The following NINL variants were observed in gnomAD, a reference collection of about 807,000 sequenced individuals.
NINL encodes ninein-like protein.
A neutral mutation model predicts 160.3 loss-of-function variants in NINL; 153 were observed. The ratio of observed to expected loss-of-function variants is 0.95; its 90% CI spans 0.84 to 1.09. The LOEUF (loss-of-function observed/expected upper bound fraction) is 1.09. NINL is among the 50% of genes least tolerant of loss of function. NINL has a pLI of 0.00. For missense variants in NINL, 1,829 were observed against 1,764.0 expected, an observed-to-expected ratio of 1.04 and a Z score of -0.66; for synonymous variants, 800 against 734.8, an observed-to-expected ratio of 1.09 and a Z score of -1.43.
intron 17 of NINL, among the ~76,000 whole-genome samples, chr20:25,471,043 G>A (rs923201135): frequency 1.3e-5 from 2 of 152,024 alleles, no homozygotes; most frequent in Non-Finnish European, 2.9e-5. Flanking sequence ...TCTTTGAGAT[G>A]GGGTCTCATT....
At chr20:25,488,476 G>A (rs537824175) in intron 13 of NINL, among the ~76,000 whole-genome samples, 29 of 151,998 alleles carry the variant, frequency 1.9e-4, no homozygotes, top group African/African-American at 3.4e-4. Flanking sequence ...CACCCGCCTC[G>A]GCCTCCCAAA....
intron 1 of NINL, among the ~76,000 whole-genome samples, chr20:25,563,368 T>C (rs980744424): frequency 1.3e-5 from 2 of 152,174 alleles, no homozygotes; most frequent in African/African-American, 4.8e-5. Flanking sequence ...CAAAGTTAAA[T>C]ATGAATACCA....
intron 19 of NINL, among the ~76,000 whole-genome samples, chr20:25,465,883 T>C (rs2062901311): frequency 6.6e-6 from 1 of 152,182 alleles, no homozygotes; most frequent in African/African-American, 2.4e-5. Flanking sequence ...GTCTGAATAC[T>C]GATATGAGGT....
chr20:25,510,755 A>G lies in NINL; in HGVS notation c.451-15T>C, dbSNP rs375382253. 6 of 1,606,920 alleles carry G rather than the reference A, an allele frequency of 3.7e-6. No individual in the cohort carries two copies. Among genetic ancestry groups the G allele is most frequent in the Non-Finnish European group, 5.1e-6 (6 of 1,174,696 alleles). The stretch of plus-strand genomic sequence containing the variant: ...GACTTGGGACTCTGTAGAAAGATGC[A>G]GAGAGAAGGCTGTGAGTTCCAGGGG... On this transcript the variant is annotated splice_polypyrimidine_tract_variant and intron_variant, in intron 4 of 23. Coordinates refer to ENST00000278886, the MANE Select transcript of NINL (RefSeq NM_025176.6).
rs1158940485 is a variant in NINL, at chr20:25,453,116, A to G, written c.*335T>C. 1 of 202,188 alleles carries G rather than the reference A, an allele frequency of 4.9e-6. No individual in the cohort carries two copies. Among genetic ancestry groups the G allele is most frequent in the Non-Finnish European group, 9.9e-6 (1 of 101,442 alleles). The allele number at this position is 202,188 out of a possible 1,614,324, so 12.5% of individuals were successfully genotyped here. ...TGACAGCCAGGGTCGGAAGCACCAC[A>G]TGGAAAGTGCTGTCCATAACTGCTC... On this transcript the variant is annotated 3_prime_UTR_variant, in exon 24 of 24. Transcript: ENST00000278886.
intron 10 of NINL, among the ~76,000 whole-genome samples, chr20:25,491,970 G>T (rs546990345): frequency 6.6e-6 from 1 of 152,314 alleles, no homozygotes; most frequent in South Asian, 2.1e-4. Context: ...GGAAGAGGTG[G>T]GGGATATTTT....
At chr20:25,570,351 T>C (rs2147167507) in intron 1 of NINL, among the ~76,000 whole-genome samples, 1 of 152,254 alleles carries the variant, frequency 6.6e-6, no homozygotes, top group African/African-American at 2.4e-5. Flanking sequence ...GTAAGCACCA[T>C]CCCCTTGGTG....
At chr20:25,453,977 G>A (rs1483335646) in intron 23 of NINL, among the ~76,000 whole-genome samples, 5 of 152,070 alleles carry the variant, frequency 3.3e-5, no homozygotes, top group Admixed American at 2.0e-4. Flanking sequence ...GTGTGAACCC[G>A]GGAGGTGGAG....
chr20:25,489,778 T>A, intron 12 of NINL, 97 bp downstream of exon 12: 1 of 922,640 alleles, frequency 1.1e-6, no homozygotes, highest in Non-Finnish European at 1.8e-6. Flanking sequence ...TACCGCATTC[T>A]GTGACCTGCC....
At chr20:25,479,719 A>G (rs1392407042) in intron 15 of NINL, among the ~76,000 whole-genome samples, 1 of 152,202 alleles carries the variant, frequency 6.6e-6, no homozygotes, top group African/African-American at 2.4e-5. Flanking sequence ...AAGCCACCAC[A>G]GTCTAGGAAC....
intron 1 of NINL, among the ~76,000 whole-genome samples, chr20:25,530,482 G>C (rs1327391743): frequency 6.6e-6 from 1 of 152,178 alleles, no homozygotes. Flanking sequence ...GCTTGTATGG[G>C]CATATGTAAT....
rs200735097 is a variant in NINL at position 25,476,281 on chromosome 20, C to A, written c.3010G>T (p.Ala1004Ser). The A allele has an allele frequency of 1.2e-6, 2 of 1,613,526 alleles. No individual in the cohort carries two copies. The highest frequency in any genetic ancestry group is 1.7e-6 in the Non-Finnish European group (2 of 1,179,926). ...TGCTTGTGACACCCAGGCTCCAGGG[C>A]GCCCTCGGCCCGGGCCTGCTGCTCC... The part of the protein sequence containing the change: ...ASEQQARAEG[A>S]LEPGCHKHSV... The change falls in exon 17 of 24, where the codon GCC becomes TCC. Residue 1004 changes from alanine (A) to serine (S), a missense_variant. Coordinates refer to ENST00000278886, the MANE Select transcript of NINL (RefSeq NM_025176.6).
intron 9 of NINL, 144 bp downstream of exon 9, chr20:25,498,066 A>T: frequency 1.0e-6 from 1 of 999,744 alleles, no homozygotes; most frequent in Non-Finnish European, 1.5e-6. Context: ...AGAGCACGGG[A>T]CAGACAGTGT....
chr20:25,574,329 G>T (rs2065090361), intron 1 of NINL, among the ~76,000 whole-genome samples: 1 of 151,650 alleles, frequency 6.6e-6, no homozygotes, highest in African/African-American at 2.4e-5. Context: ...GGCATGGCTG[G>T]GCAAGGGCCT....
intron 1 of NINL, among the ~76,000 whole-genome samples, chr20:25,556,569 G>T (rs1207235047): frequency 6.6e-6 from 1 of 152,116 alleles, no homozygotes; most frequent in Non-Finnish European, 1.5e-5. Context: ...AGGTTGCAGT[G>T]AGCCATGATC....
At chr20:25,560,061 C>T (rs1342083647) in intron 1 of NINL, among the ~76,000 whole-genome samples, 2 of 152,104 alleles carry the variant, frequency 1.3e-5, no homozygotes. Context: ...ATCTTCCACC[C>T]CAGACTCCCA....
intron 2 of NINL, among the ~76,000 whole-genome samples, chr20:25,525,167 A>C (rs1403528722): frequency 6.6e-6 from 1 of 152,192 alleles, no homozygotes; most frequent in African/African-American, 2.4e-5. Flanking sequence ...TTGCCTGAGG[A>C]GAGTTCCTTA....
rs112390427 is a variant in NINL at position 25,547,880 on chromosome 20, G to A, written c.-11-21282C>T. Reference sequence around the variant, plus strand: ...GGAAATAAACCGGGGCAACCTCTACGGACAGCAACTTGTCAGCATCAAAGT... The same window carrying A: ...GGAAATAAACCGGGGCAACCTCTACAGACAGCAACTTGTCAGCATCAAAGT... On this transcript the variant is annotated intron_variant, in intron 1 of 23. Coordinates refer to ENST00000278886, the MANE Select transcript of NINL (RefSeq NM_025176.6). 7.1e-3 allele frequency among the ~76,000 whole-genome samples: 1,079 copies of A among 152,198 alleles called. 6 individuals are homozygous for A. The highest frequency in any genetic ancestry group is 0.02 in the Middle Eastern group (6 of 294).
intron 1 of NINL, among the ~76,000 whole-genome samples, chr20:25,584,516 A>G (rs978580886): frequency 3.9e-5 from 6 of 152,234 alleles, no homozygotes; most frequent in African/African-American, 1.2e-4. Flanking sequence ...TCTGCTTTTA[A>G]AAGTATTTTA....
Sources: gnomAD v4.1 joint callset for allele counts (sites outside exome capture counted in the v4.1 genomes callset) on GRCh38, gnomAD v4.1.1 for gene constraint, MANE v1.5 for transcripts, NCBI Gene and HGNC (gene_info 2026-07-23, HGNC 2026-07-21) for gene names.